The following VWC2 variants were observed in gnomAD, a reference collection of about 807,000 sequenced individuals.
The protein encoded by VWC2 is brorin.
A neutral mutation model predicts 29.8 loss-of-function variants in VWC2; 14 were observed. The observed-to-expected ratio is 0.47, with a 90% CI of 0.31 to 0.74. The LOEUF (loss-of-function observed/expected upper bound fraction) is 0.74. Ranked by LOEUF, VWC2 falls within the 30% of genes least tolerant of loss-of-function variation. VWC2 has a pLI of 0.05. For synonymous variants in VWC2, 213 were observed against 199.0 expected, an observed-to-expected ratio of 1.07 and a Z score of -0.59; for missense variants, 457 against 459.8, an observed-to-expected ratio of 0.99 and a Z score of 0.05.
At chr7:49,857,009 C>CAAAAAAA (rs59910243) in intron 3 of VWC2, among the ~76,000 whole-genome samples, 7 of 52,786 alleles carry the variant, frequency 1.3e-4, no homozygotes, top group East Asian at 7.0e-4. Flanking sequence ...GATACTGTCT[C>CAAAAAAA]AAAAAAAAAA....
intron 3 of VWC2, among the ~76,000 whole-genome samples, chr7:49,828,983 G>A (rs571568493): frequency 4.6e-5 from 7 of 152,172 alleles, no homozygotes; most frequent in East Asian, 3.9e-4. Context: ...TCCTTCCCAC[G>A]GAACCCACAC....
chr7:49,892,607 G>C (rs1792191734), intron 3 of VWC2, among the ~76,000 whole-genome samples: 1 of 152,172 alleles, frequency 6.6e-6, no homozygotes, highest in Non-Finnish European at 1.5e-5. Flanking sequence ...GCAGTTTCAT[G>C]CTGTGTTGGC....
intron 2 of VWC2, among the ~76,000 whole-genome samples, chr7:49,799,261 A>T (rs1435586642): frequency 6.6e-6 from 1 of 152,244 alleles, no homozygotes; most frequent in Non-Finnish European, 1.5e-5. Flanking sequence ...GAACTGCCTC[A>T]GGCCTAGGAC....
intron 3 of VWC2, among the ~76,000 whole-genome samples, chr7:49,856,442 A>T (rs988166292): frequency 1.4e-4 from 22 of 152,190 alleles, no homozygotes; most frequent in African/African-American, 5.3e-4. Context: ...TGTTGGCCCC[A>T]TGCTTCTTGT....
chr7:49,827,146 G>A (rs1789413526), intron 3 of VWC2, among the ~76,000 whole-genome samples: 1 of 151,886 alleles, frequency 6.6e-6, no homozygotes, highest in Non-Finnish European at 1.5e-5. Context: ...TGTATATTCT[G>A]TTAATACAGT....
At chr7:49,820,205 C>T (rs1789234830) in intron 3 of VWC2, among the ~76,000 whole-genome samples, 1 of 152,050 alleles carries the variant, frequency 6.6e-6, no homozygotes, top group African/African-American at 2.4e-5. Context: ...AACGCCCTAC[C>T]CCACAGCCGC....
chr7:49,871,940 C>G (rs1791171626), intron 3 of VWC2, among the ~76,000 whole-genome samples: 1 of 121,768 alleles, frequency 8.2e-6, no homozygotes, highest in Non-Finnish European at 1.7e-5. Flanking sequence ...CACACACACA[C>G]ACACACACAC....
At chr7:49,908,060 C>A (rs1213874712) in intron 3 of VWC2, among the ~76,000 whole-genome samples, 2 of 152,168 alleles carry the variant, frequency 1.3e-5, no homozygotes, top group African/African-American at 4.8e-5. Context: ...CAAAATATGT[C>A]AAAGAAATAT....
At chr7:49,905,781 C>T (rs549187683) in intron 3 of VWC2, among the ~76,000 whole-genome samples, 15 of 152,234 alleles carry the variant, frequency 9.9e-5, no homozygotes, top group South Asian at 2.1e-4. Flanking sequence ...AGAAAGAGGT[C>T]GGCTCAAGAA....
chr7:49,879,959 A>G (rs1791598672), intron 3 of VWC2, among the ~76,000 whole-genome samples: 2 of 152,138 alleles, frequency 1.3e-5, no homozygotes, highest in Admixed American at 6.6e-5. Flanking sequence ...AAGCAATTTC[A>G]TTCTTCTCTC....
At chr7:49,874,689 C>A (rs909231474) in intron 3 of VWC2, among the ~76,000 whole-genome samples, 1 of 152,084 alleles carries the variant, frequency 6.6e-6, no homozygotes, top group Non-Finnish European at 1.5e-5. Flanking sequence ...TTGCTGTAAC[C>A]TTTACTTATA....
chr7:49,851,421 G>A (rs375734078), intron 3 of VWC2, among the ~76,000 whole-genome samples: 1 of 152,102 alleles, frequency 6.6e-6, no homozygotes, highest in Non-Finnish European at 1.5e-5. Flanking sequence ...CATAGCAGAC[G>A]GGCACTTAAG....
At chr7:49,864,997 G>A (rs2128721479) in intron 3 of VWC2, among the ~76,000 whole-genome samples, 1 of 130,196 alleles carries the variant, frequency 7.7e-6, no homozygotes, top group Middle Eastern at 3.9e-3. Context: ...GAGGGGTAGA[G>A]CTGCCTACTC....
chr7:49,902,929 C>T (rs1583797351), intron 3 of VWC2, among the ~76,000 whole-genome samples: 1 of 151,968 alleles, frequency 6.6e-6, no homozygotes, highest in African/African-American at 2.4e-5. Flanking sequence ...AATAAAAACA[C>T]CAAACAATTC....
chr7:49,777,387 G>C (rs1788075780), intron 2 of VWC2, among the ~76,000 whole-genome samples: 1 of 152,206 alleles, frequency 6.6e-6, no homozygotes, highest in South Asian at 2.1e-4. Flanking sequence ...AGGAAGGACA[G>C]ATCTATATAT....
intron 2 of VWC2, among the ~76,000 whole-genome samples, chr7:49,780,152 C>CT (rs748775816): frequency 2.5e-4 from 38 of 152,310 alleles, no homozygotes; most frequent in Middle Eastern, 3.4e-3. Context: ...GAAAACAGTG[C>CT]TTATGACGAA....
chr7:49,850,382 T>G (rs552186177), intron 3 of VWC2: 1 of 152,250 alleles, frequency 6.6e-6, no homozygotes, highest in Non-Finnish European at 1.5e-5. Flanking sequence ...GCCAGTGCCA[T>G]GACATAGCTT....
At chr7:49,789,725 A>G (rs1031243987) in intron 2 of VWC2, among the ~76,000 whole-genome samples, 4 of 152,354 alleles carry the variant, frequency 2.6e-5, no homozygotes, top group Non-Finnish European at 5.9e-5. Context: ...TTGTCAGGGA[A>G]CCTTCTTCTC....
At chr7:49,784,498 G>A (rs756936158) in intron 2 of VWC2, among the ~76,000 whole-genome samples, 17 of 152,314 alleles carry the variant, frequency 1.1e-4, no homozygotes, top group South Asian at 1.0e-3. Flanking sequence ...AATCATTACC[G>A]GGTTGTGGCA....
Sources: allele counts gnomAD v4.1 joint callset (sites outside exome capture counted in the v4.1 genomes callset), GRCh38; gene constraint gnomAD v4.1.1; transcripts MANE v1.5; gene names NCBI Gene and HGNC (gene_info 2026-07-23, HGNC 2026-07-21).